TLN2: variants seen among roughly 807,000 people sequenced by gnomAD.
TLN2 encodes talin 2.
TLN2 carries 118 observed loss-of-function variants against 294.7 expected under a neutral mutation model. The ratio of observed to expected loss-of-function variants is 0.40; its 90% CI spans 0.34 to 0.47. The LOEUF is 0.47. Among genes scored for constraint, TLN2 ranks in the 20% least tolerant of loss-of-function variants. The pLI is 0.84. For missense variants in TLN2, 3,083 were observed against 3,282.2 expected (o/e 0.94, Z 1.48); for synonymous variants, 1,431 against 1,304.5 (o/e 1.10, Z -2.09).
At chr15:62,666,997 G>A (rs1337519599) in intron 9 of TLN2, among the ~76,000 whole-genome samples, 1 of 151,862 alleles carries the variant, frequency 6.6e-6, no homozygotes, top group Non-Finnish European at 1.5e-5. Context: ...ATGGAGTCTC[G>A]CTCTGTCGCC....
intron 51 of TLN2, among the ~76,000 whole-genome samples, chr15:62,807,031 G>T (rs897916459): frequency 1.3e-5 from 2 of 152,098 alleles, no homozygotes; most frequent in African/African-American, 4.8e-5. Flanking sequence ...GGACCCCTGG[G>T]TGTGATGAAG....
intron 33 of TLN2, among the ~76,000 whole-genome samples, chr15:62,748,950 G>T (rs1255544908): frequency 6.6e-6 from 1 of 152,220 alleles, no homozygotes; most frequent in Non-Finnish European, 1.5e-5. Context: ...TGGCTGTGGG[G>T]CCCCTAAGGG....
At chr15:62,523,539 A>C (rs1327434152) in intron 1 of TLN2, among the ~76,000 whole-genome samples, 1 of 152,228 alleles carries the variant, frequency 6.6e-6, no homozygotes, top group Non-Finnish European at 1.5e-5. Context: ...TTATATAAGG[A>C]TATATATAGA....
intron 1 of TLN2, among the ~76,000 whole-genome samples, chr15:62,510,315 C>T (rs2039863463): frequency 6.6e-6 from 1 of 152,160 alleles, no homozygotes; most frequent in South Asian, 2.1e-4. Context: ...GGGTGGGGCC[C>T]TGGGCTTTGG....
chr15:62,822,905 CTG>C (rs903724226), intron 54 of TLN2, among the ~76,000 whole-genome samples: 69 of 152,258 alleles, frequency 4.5e-4, no homozygotes, highest in African/African-American at 1.6e-3. Flanking sequence ...ATGGAAGGGT[CTG>C]TGTTTTAACA....
chr15:62,519,796 G>A (rs940096076), intron 1 of TLN2, among the ~76,000 whole-genome samples: 2 of 152,238 alleles, frequency 1.3e-5, no homozygotes, highest in Non-Finnish European at 2.9e-5. Flanking sequence ...ATATGAAATT[G>A]AAGTTGTATT....
chr15:62,708,682 C>G lies in TLN2; in HGVS notation c.2353C>G (p.Leu785Val). ...SVVSQALHDL[L>V]QHVRQFASRG... ...GGTCAGCCAGGCCCTCCATGATCTC[C>G]TGCAGCATGTGCGGCAGTTTGCCAG... is the stretch of plus-strand genomic sequence containing the variant. The change falls in exon 21 of 59, where the codon CTG becomes GTG. Residue 785 changes from leucine to valine, a missense_variant. Physicochemically the swap from Leu to Val is conservative, Grantham distance 32 (BLOSUM62 1). Transcript: ENST00000636159. The G allele has an allele frequency of 3.1e-6, 5 of 1,614,130 alleles. No individual in the cohort carries two copies. The highest frequency in any genetic ancestry group is 4.2e-6 in the Non-Finnish European group (5 of 1,180,034).
intron 1 of TLN2, among the ~76,000 whole-genome samples, chr15:62,461,987 A>G (rs1273486010): frequency 2.0e-5 from 3 of 152,206 alleles, no homozygotes; most frequent in Non-Finnish European, 4.4e-5. Flanking sequence ...CTGTAATCCC[A>G]GCACTTTGGG....
At chr15:62,539,750 A>T (rs2041565838) in intron 1 of TLN2, among the ~76,000 whole-genome samples, 1 of 152,078 alleles carries the variant, frequency 6.6e-6, no homozygotes, top group South Asian at 2.1e-4. Context: ...AGAGATTTCT[A>T]ATGTTTAAGG....
chr15:62,622,369 T>C (rs1168441288), intron 3 of TLN2, among the ~76,000 whole-genome samples: 3 of 152,172 alleles, frequency 2.0e-5, no homozygotes, highest in Non-Finnish European at 4.4e-5. Flanking sequence ...CTTTCAGCCA[T>C]GTAATTGCAA....
At chr15:62,429,237 A>G (rs2034884458) in intron 1 of TLN2, among the ~76,000 whole-genome samples, 2 of 152,024 alleles carry the variant, frequency 1.3e-5, no homozygotes, top group African/African-American at 2.4e-5. Flanking sequence ...TAGCAAACTG[A>G]GGAGAGGCCT....
intron 50 of TLN2, 60 bp from the exon 51 acceptor site, chr15:62,805,540 A>C: frequency 1.3e-6 from 2 of 1,500,134 alleles, no homozygotes; most frequent in Non-Finnish European, 1.8e-6. Context: ...TTGGAGAAGA[A>C]TAAATTATTT....
intron 1 of TLN2, among the ~76,000 whole-genome samples, chr15:62,435,499 T>G (rs1250934660): frequency 6.6e-6 from 1 of 152,058 alleles, no homozygotes; most frequent in African/African-American, 2.4e-5. Context: ...TCTATTGTGT[T>G]GTTGTCTTTT....
intron 37 of TLN2, among the ~76,000 whole-genome samples, chr15:62,757,502 CTT>C (rs1458281986): frequency 6.6e-6 from 1 of 152,202 alleles, no homozygotes; most frequent in East Asian, 1.9e-4. Context: ...GAAAGACACT[CTT>C]TATTCTGTCG....
chr15:62,621,610 A>C (rs1468532143), intron 3 of TLN2, among the ~76,000 whole-genome samples: 1 of 152,188 alleles, frequency 6.6e-6, no homozygotes, highest in African/African-American at 2.4e-5. Context: ...TTTTCATATG[A>C]AGGGGTGGCA....
At chr15:62,481,752 T>C (rs989513650) in intron 1 of TLN2, among the ~76,000 whole-genome samples, 1 of 151,926 alleles carries the variant, frequency 6.6e-6, no homozygotes, top group Non-Finnish European at 1.5e-5. Context: ...AATACAAATT[T>C]ATCCCATATT....
At chr15:62,689,849 T>C (rs1389331235) in intron 12 of TLN2, among the ~76,000 whole-genome samples, 2 of 33,868 alleles carry the variant, frequency 5.9e-5, no homozygotes, top group Non-Finnish European at 1.1e-4. Context: ...TGGGCTTCTT[T>C]TTTTTTTTTT....
chr15:62,549,128 C>A (rs908821989), intron 1 of TLN2, among the ~76,000 whole-genome samples: 8 of 152,078 alleles, frequency 5.3e-5, no homozygotes, highest in Admixed American at 1.3e-4. Context: ...TTAATTGAGA[C>A]CCTACGGAGT....
chr15:62,415,057 C>T (rs1039605381), intron 1 of TLN2, among the ~76,000 whole-genome samples: 2 of 140,672 alleles, frequency 1.4e-5, no homozygotes, highest in Non-Finnish European at 3.0e-5. Context: ...TACAGGCGTG[C>T]ACCACCATGC....
Sources: allele counts gnomAD v4.1 joint callset (sites outside exome capture counted in the v4.1 genomes callset), GRCh38; gene constraint gnomAD v4.1.1; transcripts MANE v1.5; gene names NCBI Gene and HGNC (gene_info 2026-07-23, HGNC 2026-07-21).